Variants in AHSA1 observed in about 807,000 individuals in gnomAD.
The protein encoded by AHSA1 is activator of 90 kDa heat shock protein ATPase homolog 1.
AHSA1 carries 14 observed loss-of-function variants against 46.1 expected under a neutral mutation model. The observed-to-expected ratio is 0.30, with a 90% CI of 0.20 to 0.47. The LOEUF (loss-of-function observed/expected upper bound fraction) is 0.47. AHSA1 is among the 20% of genes least tolerant of loss of function. AHSA1 has a pLI of 0.99. For synonymous variants in AHSA1, 147 were observed against 145.8 expected, an observed-to-expected ratio of 1.01 and a Z score of -0.06; for missense variants, 333 against 415.9, an observed-to-expected ratio of 0.80 and a Z score of 1.73.
intron 6 of AHSA1, among the ~76,000 whole-genome samples, chr14:77,466,959 G>A (rs8015874): frequency 0.032 from 4,811 of 152,228 alleles, 257 homozygotes; most frequent in African/African-American, 0.11. Context: ...TTGTATGGGA[G>A]GATTCCTAAC....
At chr14:77,458,872 T>C (rs374704108) in intron 1 of AHSA1, among the ~76,000 whole-genome samples, 1 of 152,334 alleles carries the variant, frequency 6.6e-6, no homozygotes, top group African/African-American at 2.4e-5. Flanking sequence ...CTGCCCTCCT[T>C]CATGAAATCT....
chr14:77,462,939 CTAA>C (rs1159812627), intron 4 of AHSA1, 180 bp downstream of exon 4: 10 of 553,642 alleles, frequency 1.8e-5, no homozygotes, highest in South Asian at 3.8e-5. Flanking sequence ...GCTGTGTTGC[CTAA>C]TAATGATGGT....
chr14:77,464,398 G>A (rs868385834), intron 4 of AHSA1, among the ~76,000 whole-genome samples, 200 bp from the exon 5 acceptor site: 22 of 152,090 alleles, frequency 1.4e-4, no homozygotes, highest in African/African-American at 5.1e-4. Flanking sequence ...AATAATCCCA[G>A]TGAACATACT....
Position 77,469,306 on chromosome 14 carries a change from T to C in AHSA1, c.*57T>C. The C allele has an allele frequency of 3.2e-6, 5 of 1,580,322 alleles. No homozygotes were observed. Among genetic ancestry groups the C allele is most frequent in the South Asian group, 2.3e-5 (2 of 86,980 alleles). ...CACTTCAGTCCAGCTCTCTCCTGAC[T>C]GGGGCTTGCGACTCACAGGATTGCA... On this transcript the variant is annotated 3_prime_UTR_variant, in exon 9 of 9. Transcript: ENST00000216479.
chr14:77,458,183 A>C lies in AHSA1; in HGVS notation c.-7A>C. ...CCGGAGCTGGTGGCGCCGCGATAGG[A>C]GAGCCGATGGCCAAGTGGGGTGAGG... On this transcript the variant is annotated 5_prime_UTR_variant, in exon 1 of 9. Transcript: ENST00000216479. 1 of 1,527,238 alleles carries C rather than the reference A, an allele frequency of 6.5e-7. No homozygotes were observed. The highest frequency in any genetic ancestry group is 8.8e-7 in the Non-Finnish European group (1 of 1,138,784). The allele number at this position is 1,527,238 out of a possible 1,614,324, so 94.6% of individuals were successfully genotyped here.
intron 6 of AHSA1, among the ~76,000 whole-genome samples, chr14:77,467,309 G>A (rs1432528739): frequency 6.6e-6 from 1 of 151,450 alleles, no homozygotes; most frequent in Non-Finnish European, 1.5e-5. Flanking sequence ...TGAGGTGGGA[G>A]GATCACCTAA....
rs77162156 is a variant in AHSA1, at chr14:77,464,518, G to C, written c.473-80G>C. 1,242 of 1,203,622 alleles carry C rather than the reference G, an allele frequency of 1.0e-3. 9 individuals carry two copies. In the African/African-American group the frequency reaches 0.016, roughly 16 times the overall value. 74.6% of individuals were successfully genotyped at this position (1,203,622 alleles called of 1,614,324 possible). A position where few individuals can be genotyped will look rare whatever the true frequency, so the allele number is the denominator to read the frequency against. Reference sequence around the variant, plus strand: ...AACCTCATTCTGTGGTAGGATGGCTGTGTTTGTCAAGCTGTAATGAAACTC... The same window carrying C: ...AACCTCATTCTGTGGTAGGATGGCTCTGTTTGTCAAGCTGTAATGAAACTC... On this transcript the variant is annotated intron_variant, in intron 4 of 8. Transcript: ENST00000216479.
upstream of AHSA1, chr14:77,458,077 G>T (rs780790640): frequency 2.7e-4 from 244 of 906,446 alleles, no homozygotes; most frequent in Non-Finnish European, 3.5e-4. Context: ...GCCAGGAGGT[G>T]CTTGCGGCCG....
chr14:77,463,692 C>T (rs1455214456), intron 4 of AHSA1, among the ~76,000 whole-genome samples: 2 of 151,934 alleles, frequency 1.3e-5, no homozygotes, highest in African/African-American at 2.4e-5. Context: ...TACTTGAATA[C>T]AGTCTGGACT....
chr14:77,461,372 A>G (rs1594938602), intron 2 of AHSA1, among the ~76,000 whole-genome samples: 1 of 152,160 alleles, frequency 6.6e-6, no homozygotes, highest in African/African-American at 2.4e-5. Flanking sequence ...CTACTAAAAA[A>G]TACAAAAATT....
In AHSA1 at chr14:77,469,318, C is replaced by T; in HGVS notation, c.*69C>T. On this transcript the variant is annotated 3_prime_UTR_variant, in exon 9 of 9. Coordinates refer to ENST00000216479, the MANE Select transcript of AHSA1 (RefSeq NM_012111.3). ...GCTCTCTCCTGACTGGGGCTTGCGA[C>T]TCACAGGATTGCATCGTCCCAGCTG... 9.6e-6 allele frequency: 15 copies of T among 1,559,812 alleles called. No individual in the cohort carries two copies. Among genetic ancestry groups the T allele is most frequent in the Non-Finnish European group, 1.3e-5 (15 of 1,148,616 alleles).
At chr14:77,465,495 G>C in intron 5 of AHSA1, 44 bp from the exon 6 acceptor site, 6 of 1,598,282 alleles carry the variant, frequency 3.8e-6, no homozygotes, top group Non-Finnish European at 5.1e-6. Flanking sequence ...GATTGAGGTT[G>C]TATCATTACT....
chr14:77,458,415 G>C, intron 1 of AHSA1, 146 bp downstream of exon 1: 1 of 751,188 alleles, frequency 1.3e-6, no homozygotes, highest in Non-Finnish European at 2.1e-6. Context: ...GCAGGGGTCC[G>C]TAGCCCCAGG....
At position 77,468,067 on chromosome 14, in the gene AHSA1, TTTTTTTTC is replaced by T; in HGVS notation, c.691-15_691-8del. The T allele has an allele frequency of 7.3e-7, 1 of 1,362,118 alleles. No individual in the cohort carries two copies. Among genetic ancestry groups the T allele is most frequent in the Non-Finnish European group, 9.6e-7 (1 of 1,040,480 alleles). The allele number at this position is 1,362,118 out of a possible 1,614,324, so 84.4% of individuals were successfully genotyped here. On this transcript the variant is annotated splice_region_variant and splice_polypyrimidine_tract_variant and intron_variant, in intron 6 of 8. Transcript: ENST00000216479. ...CTTCTGCCTCTTTTTTTTTTTTTTT[TTTTTTTTC>T]CCTGCAGCTGGTGCAGGCCTTTACC...
chr14:77,460,660 G>T (rs1193076031), intron 2 of AHSA1, among the ~76,000 whole-genome samples: 2 of 151,270 alleles, frequency 1.3e-5, no homozygotes, highest in Non-Finnish European at 2.9e-5. Context: ...CCACTTCCCG[G>T]GTTTAACCAG....
At chr14:77,462,846 GC>G in intron 4 of AHSA1, 87 bp downstream of exon 4, 2 of 1,124,092 alleles carry the variant, frequency 1.8e-6, no homozygotes, top group Non-Finnish European at 1.3e-6. Context: ...CCTTTCTTTG[GC>G]AAATGGGTAA....
At chr14:77,468,307 T>G in intron 7 of AHSA1, 123 bp downstream of exon 7, 1 of 1,138,868 alleles carries the variant, frequency 8.8e-7, no homozygotes, top group Non-Finnish European at 1.3e-6. Context: ...AAACATTTTG[T>G]TTTTCAAAAA....
In AHSA1 at chr14:77,462,227, C is replaced by T. The variant is rs760889408; in HGVS notation, c.339C>T (p.Ser113=). The change falls in exon 3 of 9, where the codon AGC becomes AGT. Residue 113 remains serine (S), a synonymous_variant. Coordinates refer to ENST00000216479, the MANE Select transcript of AHSA1 (RefSeq NM_012111.3). The part of the protein sequence containing the change: ...VEIPNLSDEN[S]VDEVEISVSL... ...TCCCCAATTTGTCTGATGAAAACAG[C>T]GTGGATGAAGTGGAGGTTTGTGCTT... 2.5e-6 allele frequency: 4 copies of T among 1,613,412 alleles called. No homozygotes were observed. The highest frequency in any genetic ancestry group is 3.3e-5 in the Admixed American group (2 of 60,008).
chr14:77,468,258 CTA>C (rs3842329), intron 7 of AHSA1, 74 bp downstream of exon 7: 77,440 of 1,183,118 alleles, frequency 0.065, 3,044 homozygotes, highest in Admixed American at 0.17. Context: ...TTTCTGAACT[CTA>C]TAGGTAAAAT....
Sources: gnomAD v4.1 joint callset for allele counts (sites outside exome capture counted in the v4.1 genomes callset) on GRCh38, gnomAD v4.1.1 for gene constraint, MANE v1.5 for transcripts, NCBI Gene and HGNC (gene_info 2026-07-23, HGNC 2026-07-21) for gene names.